MAPK9: variants seen among roughly 807,000 people sequenced by gnomAD.
The protein encoded by MAPK9 is mitogen-activated protein kinase 9.
A neutral mutation model predicts 57.1 loss-of-function variants in MAPK9; 30 were observed. The ratio of observed to expected loss-of-function variants is 0.53; its 90% confidence interval spans 0.39 to 0.71. The LOEUF is 0.71. Ranked by LOEUF, MAPK9 falls within the 30% of genes least tolerant of loss-of-function variation. The pLI is 0.00. For missense variants in MAPK9, 362 were observed against 521.0 expected (o/e 0.69, Z 2.97); for synonymous variants, 155 against 177.0 (o/e 0.88, Z 0.99).
At chr5:180,290,342 C>T (rs1338835049) in intron 1 of MAPK9, among the ~76,000 whole-genome samples, 3 of 152,300 alleles carry the variant, frequency 2.0e-5, no homozygotes, top group Non-Finnish European at 4.4e-5. Context: ...TTCTTATCAC[C>T]CTCAAGGCCC....
At chr5:180,242,778 T>C in intron 7 of MAPK9, 23 bp from the exon 8 acceptor site, 1 of 1,594,118 alleles carries the variant, frequency 6.3e-7, no homozygotes, top group Non-Finnish European at 8.6e-7. Context: ...TTGAGGAAAA[T>C]ACAACTGAAG....
chr5:180,267,472 G>A lies in MAPK9; in HGVS notation c.252+1808C>T, dbSNP rs550035616. ...GGCTACTCGGGAGGCTGAGGCAGGAGAATGGCGTGAACCTGGGAGGCGGAG... is the reference window on the plus strand; with the variant it reads ...GGCTACTCGGGAGGCTGAGGCAGGAAAATGGCGTGAACCTGGGAGGCGGAG... On this transcript the variant is annotated intron_variant, in intron 3 of 11. Transcript: ENST00000452135. Among the ~76,000 whole-genome samples the A allele has an allele frequency of 5.1e-3, 759 of 148,668 alleles. 8 individuals are homozygous for A. The highest frequency in any genetic ancestry group is 0.018 in the African/African-American group (719 of 40,308).
At chr5:180,268,557 A>G (rs1169172266) in intron 3 of MAPK9, among the ~76,000 whole-genome samples, 2 of 152,152 alleles carry the variant, frequency 1.3e-5, no homozygotes, top group Non-Finnish European at 2.9e-5. Context: ...GCCGGGCGCC[A>G]TGGCTCACGC....
intron 1 of MAPK9, among the ~76,000 whole-genome samples, chr5:180,284,007 C>G (rs1468669888): frequency 6.6e-6 from 1 of 152,124 alleles, no homozygotes; most frequent in Admixed American, 6.5e-5. Context: ...AAAAAAGTCA[C>G]CTAAGTGAAA....
intron 3 of MAPK9, among the ~76,000 whole-genome samples, chr5:180,265,500 C>G (rs1561819471): frequency 1.3e-5 from 2 of 152,236 alleles, no homozygotes; most frequent in Admixed American, 1.3e-4. Flanking sequence ...GCACTGCCCA[C>G]TTTGCTCTTT....
intron 9 of MAPK9, among the ~76,000 whole-genome samples, chr5:180,240,819 C>T (rs751846029): frequency 2.0e-5 from 3 of 152,222 alleles, no homozygotes; most frequent in Admixed American, 6.5e-5. Flanking sequence ...AGCACCAAAG[C>T]GGAAGTTCAT....
At chr5:180,270,850 C>G (rs1348486362) in intron 2 of MAPK9, among the ~76,000 whole-genome samples, 14 of 105,508 alleles carry the variant, frequency 1.3e-4, no homozygotes, top group Non-Finnish European at 2.5e-4. Context: ...CCCTGTTGCC[C>G]AGGGTCTCAA....
intron 5 of MAPK9, among the ~76,000 whole-genome samples, chr5:180,261,469 A>G (rs1307445709): frequency 2.6e-5 from 4 of 152,272 alleles, no homozygotes; most frequent in Non-Finnish European, 4.4e-5. Flanking sequence ...CTGAGAGCGC[A>G]GTACCTGGCT....
chr5:180,281,638 G>A (rs779491161), intron 1 of MAPK9, among the ~76,000 whole-genome samples: 18 of 152,116 alleles, frequency 1.2e-4, no homozygotes, highest in African/African-American at 1.2e-4. Flanking sequence ...AATATTTAAC[G>A]TCAACCTAAT....
intron 3 of MAPK9, among the ~76,000 whole-genome samples, chr5:180,266,475 C>T (rs1453287809): frequency 1.3e-5 from 2 of 151,970 alleles, no homozygotes; most frequent in African/African-American, 4.8e-5. Context: ...CCACTACGCC[C>T]AGCTAATTTT....
chr5:180,285,883 C>A (rs986047795), intron 1 of MAPK9, among the ~76,000 whole-genome samples: 6 of 151,612 alleles, frequency 4.0e-5, no homozygotes, highest in African/African-American at 1.2e-4. Flanking sequence ...CGGAGACCAT[C>A]CTGGCTAACA....
intron 2 of MAPK9, among the ~76,000 whole-genome samples, chr5:180,272,073 ATTG>A (rs774183863): frequency 9.2e-5 from 14 of 152,012 alleles, no homozygotes; most frequent in Non-Finnish European, 1.9e-4. Flanking sequence ...TTCTTACATT[ATTG>A]TTGTCTGGCA....
intron 1 of MAPK9, 42 bp downstream of exon 1, chr5:180,291,806 C>G (rs1428089732): frequency 6.8e-6 from 1 of 148,128 alleles, no homozygotes; most frequent in Non-Finnish European, 1.5e-5. Context: ...CGGGCCCGGC[C>G]CGAGCAGCCG....
chr5:180,259,541 T>G (rs1581225495), intron 5 of MAPK9, among the ~76,000 whole-genome samples: 1 of 152,162 alleles, frequency 6.6e-6, no homozygotes, highest in Non-Finnish European at 1.5e-5. Flanking sequence ...AGAAACCCTT[T>G]GACTGTAAGG....
chr5:180,278,697 C>CA (rs1228564034), intron 2 of MAPK9, among the ~76,000 whole-genome samples: 1 of 151,732 alleles, frequency 6.6e-6, no homozygotes, highest in Non-Finnish European at 1.5e-5. Context: ...GACTCTGTCT[C>CA]AAAAAAATAA....
intron 5 of MAPK9, among the ~76,000 whole-genome samples, chr5:180,254,376 T>C (rs143205590): frequency 3.9e-5 from 6 of 152,100 alleles, no homozygotes; most frequent in Non-Finnish European, 8.8e-5. Flanking sequence ...AGAAAGACAA[T>C]GCAGGGAGTG....
intron 4 of MAPK9, chr5:180,263,018 A>T (rs1489158738): frequency 6.6e-6 from 1 of 152,292 alleles, no homozygotes; most frequent in Non-Finnish European, 1.5e-5. Context: ...ATTCAGACAT[A>T]TCTCCTGAAC....
At chr5:180,280,012 T>C (rs1163855548) in intron 2 of MAPK9, 2 of 456,712 alleles carry the variant, frequency 4.4e-6, no homozygotes, top group African/African-American at 4.0e-5. Context: ...TGCCAATGAA[T>C]GGCAAGGCAC....
In MAPK9 at chr5:180,244,953, C is replaced by T. The variant is rs112043233; in HGVS notation, c.689-2198G>A. The stretch of plus-strand genomic sequence containing the variant: ...TCACAAGGCCCAGGGGCCAATCCCC[C>T]GTCCTCATCTCCTCATGTGAATGAG... On this transcript the variant is annotated intron_variant, in intron 7 of 11. Transcript: ENST00000452135. Among the ~76,000 whole-genome samples, 1,286 of 152,306 alleles carry T rather than the reference C, an allele frequency of 8.4e-3. 16 individuals carry two copies. The highest frequency in any genetic ancestry group is 0.024 in the Admixed American group (370 of 15,300).
Sources: gnomAD v4.1 joint callset for allele counts (sites outside exome capture counted in the v4.1 genomes callset) on GRCh38, gnomAD v4.1.1 for gene constraint, MANE v1.5 for transcripts, NCBI Gene and HGNC (gene_info 2026-07-23, HGNC 2026-07-21) for gene names.